LARGE1: variants seen among roughly 807,000 people sequenced by gnomAD.
The protein encoded by LARGE1 is xylosyl- and glucuronyltransferase LARGE1.
Under a neutral mutation model 87.6 loss-of-function variants are expected in LARGE1, and 43 were observed. The ratio of observed to expected loss-of-function variants is 0.49; its 90% confidence interval spans 0.38 to 0.63. The LOEUF (loss-of-function observed/expected upper bound fraction) is 0.63, where lower values mean the gene tolerates loss of function less well. Among genes scored for constraint, LARGE1 ranks in the 30% least tolerant of loss-of-function variants. The probability of loss-of-function intolerance (pLI) is 0.00; values close to 1 mark genes in which losing one functional copy is unlikely to be tolerated. For synonymous variants in LARGE1, 434 were observed against 394.6 expected, an observed-to-expected ratio of 1.10 and a Z score of -1.18; for missense variants, 802 against 1,000.2, an observed-to-expected ratio of 0.80 and a Z score of 2.67.
At chr22:33,241,877 C>T (rs1926541166) in intron 11 of LARGE1, among the ~76,000 whole-genome samples, 1 of 152,052 alleles carries the variant, frequency 6.6e-6, no homozygotes, top group African/African-American at 2.4e-5. Flanking sequence ...GAAAGCATAG[C>T]TGTCCATCAA....
intron 7 of LARGE1, among the ~76,000 whole-genome samples, chr22:33,431,130 A>T (rs1482796299): frequency 1.3e-5 from 2 of 152,196 alleles, no homozygotes; most frequent in African/African-American, 2.4e-5. Context: ...AGCAGTGGCA[A>T]TGAGGATGGA....
At chr22:33,299,470 G>A (rs1420605772) in intron 12 of LARGE1, among the ~76,000 whole-genome samples, 1 of 152,122 alleles carries the variant, frequency 6.6e-6, no homozygotes, top group Non-Finnish European at 1.5e-5. Context: ...AGAATGAGTA[G>A]TATCAATATA....
chr22:33,820,993 T>G (rs138168602), intron 1 of LARGE1, among the ~76,000 whole-genome samples: 2 of 152,224 alleles, frequency 1.3e-5, no homozygotes, highest in Non-Finnish European at 2.9e-5. Flanking sequence ...AACCCTGGAC[T>G]GCAAGCTCCT....
intron 11 of LARGE1, among the ~76,000 whole-genome samples, chr22:33,195,356 C>T (rs1380828085): frequency 6.6e-6 from 1 of 152,020 alleles, no homozygotes; most frequent in Non-Finnish European, 1.5e-5. Flanking sequence ...GTAGAAAACT[C>T]GACCCAATAA....
At chr22:33,138,600 C>G in the LARGE1 span, among the ~76,000 whole-genome samples, 1 of 152,044 alleles carries the variant, frequency 6.6e-6, no homozygotes, top group African/African-American at 2.4e-5. Flanking sequence ...TGTGCCACCA[C>G]GCCTGGCTAT....
intron 1 of LARGE1, among the ~76,000 whole-genome samples, chr22:33,908,200 G>C (rs2065513628): frequency 6.6e-6 from 1 of 152,176 alleles, no homozygotes; most frequent in Non-Finnish European, 1.5e-5. Flanking sequence ...TGTATTGACT[G>C]CATGTTCCAG....
chr22:33,540,842 A>G (rs891712514), intron 6 of LARGE1, among the ~76,000 whole-genome samples: 1 of 151,934 alleles, frequency 6.6e-6, no homozygotes, highest in African/African-American at 2.4e-5. Context: ...GTTTTCCTAT[A>G]AAGTATGGCA....
chr22:33,283,252 T>A lies in LARGE1; in HGVS notation c.1827A>T (p.Ser609=). The change falls in exon 13 of 15, where the codon TCA becomes TCT. Residue 609 remains serine (S), a synonymous_variant. Coordinates refer to ENST00000397394, the MANE Select transcript of LARGE1 (RefSeq NM_133642.5). ...CCAGCATTGACAGCAACTCCGCTTT[T>A]GACTTGGGGAAGGACAGCCGGTAGC... ...TLRYRLSFPK[S]KAELLSMLDM... 1 of 1,614,124 alleles carries A rather than the reference T, an allele frequency of 6.2e-7. No homozygotes were observed. Among genetic ancestry groups the A allele is most frequent in the Non-Finnish European group, 8.5e-7 (1 of 1,180,022 alleles).
At chr22:33,431,311 G>A (rs2067072439) in intron 7 of LARGE1, among the ~76,000 whole-genome samples, 1 of 152,216 alleles carries the variant, frequency 6.6e-6, no homozygotes, top group African/African-American at 2.4e-5. Flanking sequence ...TCAAGGGACA[G>A]CTGGTGAACA....
At chr22:33,248,666 A>C (rs1226650446) in intron 11 of LARGE1, among the ~76,000 whole-genome samples, 1 of 152,242 alleles carries the variant, frequency 6.6e-6, no homozygotes. Context: ...CCACCATTAT[A>C]GTATCATACA....
intron 11 of LARGE1, among the ~76,000 whole-genome samples, chr22:33,259,319 AACAC>A (rs3071499): frequency 0.4 from 58,766 of 145,138 alleles, 12,172 homozygotes; most frequent in East Asian, 0.57. Context: ...TCCAAAGGGC[AACAC>A]ACACACACAC....
intron 1 of LARGE1, among the ~76,000 whole-genome samples, chr22:33,796,393 G>A (rs1032784470): frequency 6.6e-5 from 10 of 152,280 alleles, no homozygotes; most frequent in Admixed American, 3.3e-4. Flanking sequence ...CCACTGACCA[G>A]CGTCGCCGAC....
At chr22:33,877,303 G>C (rs943038953) in intron 1 of LARGE1, among the ~76,000 whole-genome samples, 5 of 152,110 alleles carry the variant, frequency 3.3e-5, no homozygotes, top group African/African-American at 1.2e-4. Flanking sequence ...GCGAGGTTCA[G>C]TCTAGTCAAG....
chr22:33,501,333 C>T (rs542700962), intron 6 of LARGE1, among the ~76,000 whole-genome samples: 7 of 152,194 alleles, frequency 4.6e-5, no homozygotes, highest in African/African-American at 9.6e-5. Flanking sequence ...AAACAGAAGA[C>T]GCTGACTTGG....
chr22:33,628,684 C>T (rs747189347), intron 3 of LARGE1, among the ~76,000 whole-genome samples: 2 of 152,114 alleles, frequency 1.3e-5, no homozygotes, highest in African/African-American at 2.4e-5. Flanking sequence ...TGCCCCAGGC[C>T]CTCCGTCCTT....
chr22:33,857,931 C>A (rs1314651321), intron 1 of LARGE1, among the ~76,000 whole-genome samples: 1 of 152,202 alleles, frequency 6.6e-6, no homozygotes, highest in African/African-American at 2.4e-5. Context: ...GGAGTTCCAA[C>A]TCCCAAGATC....
chr22:33,769,509 A>G (rs1484027540), intron 1 of LARGE1, among the ~76,000 whole-genome samples: 1 of 152,192 alleles, frequency 6.6e-6, no homozygotes, highest in Non-Finnish European at 1.5e-5. Flanking sequence ...GAATGGATCA[A>G]TGACTATCTC....
At chr22:33,909,695 C>T (rs1413994207) in intron 1 of LARGE1, among the ~76,000 whole-genome samples, 7 of 152,122 alleles carry the variant, frequency 4.6e-5, no homozygotes, top group South Asian at 2.1e-4. Context: ...CCCGCCACCA[C>T]GCCCAGCTAA....
intron 6 of LARGE1, among the ~76,000 whole-genome samples, chr22:33,458,853 A>G (rs1206635712): frequency 6.6e-6 from 1 of 152,210 alleles, no homozygotes; most frequent in Non-Finnish European, 1.5e-5. Context: ...ACACGAGAAC[A>G]TGAAAATAAT....
Sources: gnomAD v4.1 joint callset for allele counts (sites outside exome capture counted in the v4.1 genomes callset) on GRCh38, gnomAD v4.1.1 for gene constraint, MANE v1.5 for transcripts, NCBI Gene and HGNC (gene_info 2026-07-23, HGNC 2026-07-21) for gene names.